SDK1: variants seen among roughly 807,000 people sequenced by gnomAD.
SDK1 encodes sidekick cell adhesion molecule 1, also known as protein sidekick-1.
Under a neutral mutation model 245.5 loss-of-function variants are expected in SDK1, and 157 were observed. The observed-to-expected ratio is 0.64, with a 90% CI of 0.56 to 0.73. The LOEUF is 0.73. Among genes scored for constraint, SDK1 ranks in the 30% least tolerant of loss-of-function variants. SDK1 has a pLI of 0.00. For missense variants in SDK1, 3,583 were observed against 3,002.3 expected (o/e 1.19, Z -4.52); for synonymous variants, 1,647 against 1,278.5 (o/e 1.29, Z -6.15).
chr7:3,316,012 T>G (rs1779655043), intron 1 of SDK1, among the ~76,000 whole-genome samples: 1 of 152,198 alleles, frequency 6.6e-6, no homozygotes, highest in African/African-American at 2.4e-5. Context: ...TGTTTAATCT[T>G]TATGATTCTA....
At chr7:3,708,250 A>G (rs1784946678) in intron 4 of SDK1, among the ~76,000 whole-genome samples, 1 of 152,068 alleles carries the variant, frequency 6.6e-6, no homozygotes, top group South Asian at 2.1e-4. Flanking sequence ...GGGTGGCACT[A>G]AACCATTCAT....
chr7:3,597,568 C>T (rs1321647680), intron 1 of SDK1, among the ~76,000 whole-genome samples: 2 of 152,122 alleles, frequency 1.3e-5, no homozygotes, highest in Non-Finnish European at 2.9e-5. Flanking sequence ...TGGAGTGTCC[C>T]ATTTTAGGAG....
intron 20 of SDK1, among the ~76,000 whole-genome samples, chr7:4,072,707 T>C (rs1780332754): frequency 6.6e-6 from 1 of 152,250 alleles, no homozygotes; most frequent in Admixed American, 6.5e-5. Context: ...CTGCAAAGGC[T>C]GCACCTGCTA....
chr7:3,803,745 C>CT (rs60802259), intron 4 of SDK1, among the ~76,000 whole-genome samples: 3,799 of 119,978 alleles, frequency 0.032, 129 homozygotes, highest in Non-Finnish European at 0.037. Flanking sequence ...GTATTTTCCT[C>CT]TTTTTTTTTT....
chr7:3,361,351 C>A (rs913975021), intron 1 of SDK1, among the ~76,000 whole-genome samples: 4 of 152,170 alleles, frequency 2.6e-5, no homozygotes, highest in African/African-American at 9.7e-5. Context: ...TATCATAGGA[C>A]CTCTGTGTTC....
chr7:3,398,314 A>G (rs1047554862), intron 1 of SDK1, among the ~76,000 whole-genome samples: 15 of 152,106 alleles, frequency 9.9e-5, no homozygotes, highest in Admixed American at 5.9e-4. Flanking sequence ...ATGTAGTGAT[A>G]AGGTGTTGCG....
At chr7:3,742,066 G>A (rs1779493222) in intron 4 of SDK1, among the ~76,000 whole-genome samples, 2 of 149,298 alleles carry the variant, frequency 1.3e-5, no homozygotes, top group African/African-American at 4.9e-5. Context: ...AAAAGACAGA[G>A]CACAAATTTG....
intron 1 of SDK1, among the ~76,000 whole-genome samples, chr7:3,545,074 G>C (rs373227602): frequency 1.3e-5 from 2 of 152,182 alleles, no homozygotes; most frequent in African/African-American, 4.8e-5. Flanking sequence ...GAGGAGAGCT[G>C]GTGCTATGTG....
chr7:4,097,927 CTGGTAAATT>C (rs1408918131), intron 22 of SDK1, among the ~76,000 whole-genome samples: 11 of 152,282 alleles, frequency 7.2e-5, no homozygotes, highest in Middle Eastern at 6.8e-3. Context: ...CCACGGTCAT[CTGGTAAATT>C]TGCCGAAACG....
intron 1 of SDK1, among the ~76,000 whole-genome samples, chr7:3,408,600 T>G (rs1779112350): frequency 6.6e-6 from 1 of 152,240 alleles, no homozygotes; most frequent in Non-Finnish European, 1.5e-5. Flanking sequence ...TTTAGCTTAT[T>G]GCTTTTTGCT....
At chr7:3,512,426 C>G (rs1237133810) in intron 1 of SDK1, among the ~76,000 whole-genome samples, 1 of 152,172 alleles carries the variant, frequency 6.6e-6, no homozygotes, top group Non-Finnish European at 1.5e-5. Flanking sequence ...GCATAAACAT[C>G]TGTGTGCAGG....
At chr7:3,574,001 C>T (rs1351238615) in intron 1 of SDK1, among the ~76,000 whole-genome samples, 1 of 152,072 alleles carries the variant, frequency 6.6e-6, no homozygotes, top group African/African-American at 2.4e-5. Context: ...CTTTGTGAAG[C>T]TACTGTTTTC....
At chr7:3,830,584 C>T (rs545143854) in intron 5 of SDK1, among the ~76,000 whole-genome samples, 1 of 152,256 alleles carries the variant, frequency 6.6e-6, no homozygotes, top group South Asian at 2.1e-4. Context: ...CAGTCTCAAC[C>T]TCCTGGGCTC....
chr7:3,335,219 A>G (rs952950701), intron 1 of SDK1, among the ~76,000 whole-genome samples: 10 of 152,156 alleles, frequency 6.6e-5, no homozygotes, highest in East Asian at 1.9e-4. Flanking sequence ...TATAAATACT[A>G]TTGCACTTAG....
intron 1 of SDK1, among the ~76,000 whole-genome samples, chr7:3,473,535 G>C (rs978726593): frequency 3.3e-5 from 5 of 152,210 alleles, no homozygotes; most frequent in African/African-American, 1.2e-4. Flanking sequence ...CCAGCCTCTA[G>C]ATAGGACTCT....
At chr7:4,043,940 G>A (rs964114593) in intron 17 of SDK1, among the ~76,000 whole-genome samples, 9 of 151,944 alleles carry the variant, frequency 5.9e-5, no homozygotes, top group Admixed American at 5.2e-4. Context: ...AGCTCCTGGC[G>A]TTTATTCTTT....
At chr7:3,665,407 C>G (rs1192184165) in intron 4 of SDK1, among the ~76,000 whole-genome samples, 1 of 152,164 alleles carries the variant, frequency 6.6e-6, no homozygotes, top group Admixed American at 6.5e-5. Context: ...TAGTCCTGCT[C>G]TAGCCTCTGC....
At chr7:3,609,844 G>T (rs1049991464) in intron 1 of SDK1, among the ~76,000 whole-genome samples, 12 of 151,934 alleles carry the variant, frequency 7.9e-5, no homozygotes, top group African/African-American at 2.2e-4. Context: ...GGGACCACAC[G>T]CACACACCAT....
chr7:4,233,192 G>C (rs1233931470), intron 40 of SDK1, 63 bp from the exon 41 acceptor site: 1 of 1,525,234 alleles, frequency 6.6e-7, no homozygotes, highest in Non-Finnish European at 9.0e-7. Context: ...GCAGGTGCAT[G>C]GGGCTCGCAT....
Sources: gnomAD v4.1 joint callset for allele counts (sites outside exome capture counted in the v4.1 genomes callset) on GRCh38, gnomAD v4.1.1 for gene constraint, MANE v1.5 for transcripts, NCBI Gene and HGNC (gene_info 2026-07-23, HGNC 2026-07-21) for gene names.